The following PISD variants were observed in gnomAD, a reference collection of about 807,000 sequenced individuals.
The protein encoded by PISD is phosphatidylserine decarboxylase proenzyme, mitochondrial.
PISD carries 31 observed loss-of-function variants against 43.5 expected under a neutral mutation model. The observed-to-expected ratio is 0.71, with a 90% confidence interval of 0.54 to 0.96. The LOEUF is 0.96. Ranked by LOEUF, PISD falls within the 40% of genes least tolerant of loss-of-function variation. The pLI is 0.00. For synonymous variants in PISD, 259 were observed against 228.7 expected, an observed-to-expected ratio of 1.13 and a Z score of -1.20; for missense variants, 523 against 548.4, an observed-to-expected ratio of 0.95 and a Z score of 0.46.
At chr22:31,656,205 G>A (rs1027039701) in intron 1 of PISD, among the ~76,000 whole-genome samples, 2 of 152,106 alleles carry the variant, frequency 1.3e-5, no homozygotes, top group African/African-American at 2.4e-5. Flanking sequence ...TTAGACGGGT[G>A]TGATGGTGGT....
Position 31,618,751 on chromosome 22 carries a change from A to C in PISD, c.*861T>G, listed in dbSNP as rs932664191. The C allele has an allele frequency of 1.3e-5, 3 of 223,588 alleles. No individual in the cohort carries two copies. Among genetic ancestry groups the C allele is most frequent in the African/African-American group, 2.3e-5 (1 of 43,928 alleles). 13.9% of individuals were successfully genotyped at this position (223,588 alleles called of 1,614,324 possible). A position where few individuals can be genotyped will look rare whatever the true frequency, so the allele number is the denominator to read the frequency against. ...CCAGGCACTGACCAACTATCCACCA[A>C]GGGTCCTCTGCCTCCAAGACAGACC... is the stretch of plus-strand genomic sequence containing the variant. On this transcript the variant is annotated 3_prime_UTR_variant, in exon 8 of 8. Coordinates refer to ENST00000439502, the MANE Select transcript of PISD (RefSeq NM_001326411.2).
chr22:31,619,447 A>C lies in PISD; in HGVS notation c.*165T>G, dbSNP rs112124795. On this transcript the variant is annotated 3_prime_UTR_variant, in exon 8 of 8. Coordinates refer to ENST00000439502, the MANE Select transcript of PISD (RefSeq NM_001326411.2). ...GGGGCTCTCGCCACCTCTTGTCTGC[A>C]CCTCTGGAACAGGTGGTAGCCGAAT... 1.4e-6 allele frequency: 1 copy of C among 696,224 alleles called. No individual in the cohort carries two copies. Among genetic ancestry groups the C allele is most frequent in the African/African-American group, 1.8e-5 (1 of 57,104 alleles). 43.1% of individuals were successfully genotyped at this position (696,224 alleles called of 1,614,324 possible). A position where few individuals can be genotyped will look rare whatever the true frequency, so the allele number is the denominator to read the frequency against.
chr22:31,637,258 C>G (rs1443439708), intron 3 of PISD, among the ~76,000 whole-genome samples: 1 of 134,344 alleles, frequency 7.4e-6, no homozygotes, highest in African/African-American at 2.8e-5. Context: ...AGCTACTCAG[C>G]AGGCTGAGGT....
intron 3 of PISD, among the ~76,000 whole-genome samples, chr22:31,640,880 G>GTTTT (rs1214973570): frequency 0.01 from 254 of 24,588 alleles, 68 homozygotes; most frequent in African/African-American, 0.042. Context: ...CACACCCGGT[G>GTTTT]TTTTTTTTTT....
chr22:31,646,029 T>G (rs1213824342), intron 3 of PISD, among the ~76,000 whole-genome samples: 1 of 151,846 alleles, frequency 6.6e-6, no homozygotes, highest in Non-Finnish European at 1.5e-5. Context: ...GGATAAGGGA[T>G]ACTCAAACTC....
In PISD at chr22:31,618,810, T is replaced by G. The variant is rs113604273; in HGVS notation, c.*802A>C. The stretch of plus-strand genomic sequence containing the variant: ...ATAGCAGCAACTTTCCCATATTTCA[T>G]GTAGGGATATGTGGAGGGGGACAGG... On this transcript the variant is annotated 3_prime_UTR_variant, in exon 8 of 8. Transcript: ENST00000439502. 1,968 of 165,996 alleles carry G rather than the reference T, an allele frequency of 0.012. 30 individuals are homozygous for G. The highest frequency in any genetic ancestry group is 0.041 in the South Asian group (226 of 5,570). The allele number at this position is 165,996 out of a possible 1,614,324, so 10.3% of individuals were successfully genotyped here. A position where few individuals can be genotyped will look rare whatever the true frequency, so the allele number is the denominator to read the frequency against.
chr22:31,662,401 G>A (rs2074348875), upstream of PISD: 2 of 602,246 alleles, frequency 3.3e-6, no homozygotes, highest in South Asian at 1.9e-5. Context: ...TAGTGGAGCT[G>A]TAGGTTTCGC....
chr22:31,656,981 T>C (rs1262012982), intron 1 of PISD, among the ~76,000 whole-genome samples: 2 of 152,182 alleles, frequency 1.3e-5, no homozygotes, highest in Admixed American at 1.3e-4. Flanking sequence ...AAAAAAAATT[T>C]TTCTGGGTAT....
At chr22:31,643,958 G>C (rs1373923964) in intron 3 of PISD, among the ~76,000 whole-genome samples, 2 of 152,038 alleles carry the variant, frequency 1.3e-5, no homozygotes, top group Middle Eastern at 3.4e-3. Flanking sequence ...TGAGGCAGGA[G>C]AATGGCTTGA....
At chr22:31,650,526 C>CAAAAA (rs200466585) in intron 2 of PISD, among the ~76,000 whole-genome samples, 173 bp downstream of exon 2, 5 of 107,576 alleles carry the variant, frequency 4.6e-5, no homozygotes, top group African/African-American at 1.4e-4. Flanking sequence ...AAGACTGTCT[C>CAAAAA]AAAAAAAAAA....
At chr22:31,653,491 T>C (rs2074087794) in intron 1 of PISD, among the ~76,000 whole-genome samples, 1 of 152,174 alleles carries the variant, frequency 6.6e-6, no homozygotes, top group South Asian at 2.1e-4. Context: ...CCACCGTAAC[T>C]GGACACAGGG....
chr22:31,649,092 C>A lies in PISD; in HGVS notation c.146-816G>T, dbSNP rs113797189. Among the ~76,000 whole-genome samples, 646 of 152,254 alleles carry A rather than the reference C, an allele frequency of 4.2e-3. 1 individual carries two copies. The highest frequency in any genetic ancestry group is 7.3e-3 in the Non-Finnish European group (496 of 68,010). ...ACAAATAGCCAGGCACAGCGGCTTG[C>A]ACCTATAGTCCCAGCTACTAGGTAG... On this transcript the variant is annotated intron_variant, in intron 2 of 7. Coordinates refer to ENST00000439502, the MANE Select transcript of PISD (RefSeq NM_001326411.2).
chr22:31,635,381 C>T (rs935342293), intron 3 of PISD, among the ~76,000 whole-genome samples: 1 of 152,040 alleles, frequency 6.6e-6, no homozygotes, highest in Middle Eastern at 3.2e-3. Context: ...TGGCTCACCA[C>T]AACCTCTGCC....
chr22:31,621,419 C>T lies in PISD; in HGVS notation c.612G>A (p.Glu204=), dbSNP rs1210656200. ...ILNFGQVKNC[E]VEQVKGVTYS... is the part of the protein sequence containing the mutation. The stretch of plus-strand genomic sequence containing the variant: ...AGGTGACCCCCTTTACCTGCTCCAC[C>T]TCACAGTTCTTCACCTGCCCAAAGT... Residue 204 remains glutamate, a synonymous_variant, in exon 5 of 8, where the codon GAG becomes GAA. Coordinates refer to ENST00000439502, the MANE Select transcript of PISD (RefSeq NM_001326411.2). The T allele has an allele frequency of 1.2e-6, 2 of 1,614,156 alleles. No individual in the cohort carries two copies. Among genetic ancestry groups the T allele is most frequent in the Non-Finnish European group, 1.7e-6 (2 of 1,180,010 alleles).
chr22:31,657,182 G>C (rs1282270881), intron 1 of PISD, among the ~76,000 whole-genome samples: 1 of 152,146 alleles, frequency 6.6e-6, no homozygotes, highest in Non-Finnish European at 1.5e-5. Context: ...TGTCGCCCAG[G>C]CTGGAGTGCA....
intron 1 of PISD, among the ~76,000 whole-genome samples, chr22:31,660,047 G>A (rs2074277460): frequency 1.3e-5 from 2 of 152,062 alleles, no homozygotes; most frequent in African/African-American, 4.8e-5. Flanking sequence ...TCTATCACCT[G>A]TCACACATCA....
intron 3 of PISD, among the ~76,000 whole-genome samples, chr22:31,626,463 G>A (rs1044623523): frequency 2.0e-5 from 3 of 152,228 alleles, no homozygotes; most frequent in Non-Finnish European, 2.9e-5. Flanking sequence ...GCCACGAGAG[G>A]TGCCCTGGTG....
intron 1 of PISD, among the ~76,000 whole-genome samples, chr22:31,661,921 G>C (rs149053178): frequency 1.8e-4 from 27 of 152,228 alleles, no homozygotes; most frequent in Middle Eastern, 3.4e-3. Context: ...CTTCCACCTA[G>C]CTGGAAAGGG....
At chr22:31,620,495 G>A in intron 7 of PISD, 58 bp downstream of exon 7, 9 of 1,555,932 alleles carry the variant, frequency 5.8e-6, no homozygotes, top group South Asian at 1.1e-5. Context: ...AGCAGACAAG[G>A]CAGGTAGACC....
Sources: gnomAD v4.1 joint callset for allele counts (sites outside exome capture counted in the v4.1 genomes callset) on GRCh38, gnomAD v4.1.1 for gene constraint, MANE v1.5 for transcripts, NCBI Gene and HGNC (gene_info 2026-07-23, HGNC 2026-07-21) for gene names.